The following NDUFAF7 variants were observed in gnomAD, a reference collection of about 807,000 sequenced individuals.
NDUFAF7 encodes the protein protein arginine methyltransferase NDUFAF7, mitochondrial.
A neutral mutation model predicts 47.2 loss-of-function variants in NDUFAF7; 48 were observed. The ratio of observed to expected loss-of-function variants is 1.02; its 90% CI spans 0.81 to 1.29. NDUFAF7 has a LOEUF of 1.29. Among genes scored for constraint, NDUFAF7 ranks in the 50% most tolerant of loss-of-function variants. The probability of loss-of-function intolerance (pLI) is 0.00; values close to 1 mark genes in which losing one functional copy is unlikely to be tolerated. For missense variants in NDUFAF7, 635 were observed against 537.6 expected (o/e 1.18, Z -1.79); for synonymous variants, 217 against 190.0 (o/e 1.14, Z -1.17).
chr2:37,236,907 A>C (rs942431352), intron 3 of NDUFAF7, among the ~76,000 whole-genome samples: 1 of 152,062 alleles, frequency 6.6e-6, no homozygotes, highest in African/African-American at 2.4e-5. Context: ...GAATTAGTGG[A>C]ATTAAGAGAA....
downstream of NDUFAF7, among the ~76,000 whole-genome samples, chr2:37,255,312 AAAC>A (rs142205797): frequency 0.58 from 87,221 of 151,586 alleles, 25,410 homozygotes; most frequent in African/African-American, 0.66. Context: ...ACTTTTGGAA[AAAC>A]AAAAAAGATC....
chr2:37,261,782 A>AAAACAAAACAAAC, the NDUFAF7 span, among the ~76,000 whole-genome samples: 13,052 of 152,222 alleles, frequency 0.086, 613 homozygotes, highest in African/African-American at 0.11. Flanking sequence ...CTCTATCTCA[A>AAAACAAAACAAAC]AAACAAAAAA....
intron 2 of NDUFAF7, among the ~76,000 whole-genome samples, chr2:37,232,840 T>C (rs1445624890): frequency 6.6e-6 from 1 of 152,240 alleles, no homozygotes; most frequent in East Asian, 1.9e-4. Flanking sequence ...CCACGTTTCC[T>C]TGTCTGTTCT....
At chr2:37,256,275 A>G (rs1258188193), downstream of NDUFAF7, among the ~76,000 whole-genome samples, 1 of 152,194 alleles carries the variant, frequency 6.6e-6, no homozygotes, top group African/African-American at 2.4e-5. Context: ...ACAGATAACT[A>G]TGCCTGTAAG....
At chr2:37,267,020 G>A in the NDUFAF7 span, among the ~76,000 whole-genome samples, 1 of 151,986 alleles carries the variant, frequency 6.6e-6, no homozygotes, top group African/African-American at 2.4e-5. Context: ...CGCCCCAATC[G>A]ACTAAGCCAT....
At position 37,248,772 on chromosome 2, in the gene NDUFAF7, G is replaced by T. The variant is rs1161762653; in HGVS notation, c.*422G>T. The T allele has an allele frequency of 4.1e-6, 1 of 245,280 alleles. No homozygotes were observed. The highest frequency in any genetic ancestry group is 5.0e-5 in the Admixed American group (1 of 19,870). The allele number at this position is 245,280 out of a possible 1,614,324, so 15.2% of individuals were successfully genotyped here. On this transcript the variant is annotated 3_prime_UTR_variant, in exon 10 of 10. Transcript: ENST00000002125. ...TCTACTAAAAATACAAAACTAGCCG[G>T]GTATGGTGGTACATGCCTGTAATCC... is the stretch of plus-strand genomic sequence containing the variant.
chr2:37,250,427 G>T (rs139444359), downstream of NDUFAF7: 11 of 152,218 alleles, frequency 7.2e-5, 1 homozygote, highest in African/African-American at 1.9e-4. Context: ...TAGTATAACA[G>T]TTGGATAATT....
At chr2:37,233,867 C>T (rs558178605) in intron 2 of NDUFAF7, among the ~76,000 whole-genome samples, 5 of 152,158 alleles carry the variant, frequency 3.3e-5, no homozygotes, top group African/African-American at 1.2e-4. Flanking sequence ...AAATATTATA[C>T]CTTTATTTTC....
At chr2:37,254,308 C>T (rs766444009), downstream of NDUFAF7, 1 of 1,597,028 alleles carries the variant, frequency 6.3e-7, no homozygotes, top group South Asian at 1.1e-5. Flanking sequence ...AAAGACAAAA[C>T]AAGATACATG....
chr2:37,259,662 T>C, the NDUFAF7 span: 5 of 1,612,052 alleles, frequency 3.1e-6, no homozygotes, highest in African/African-American at 1.3e-5. Flanking sequence ...AAAATGCAGA[T>C]TCCTCAAAGC....
the NDUFAF7 span, among the ~76,000 whole-genome samples, chr2:37,259,011 T>C: frequency 3.3e-5 from 5 of 151,200 alleles, no homozygotes; most frequent in African/African-American, 7.3e-5. Flanking sequence ...ATCCATTTCA[T>C]AGGTCATGCA....
chr2:37,251,944 T>C (rs1667537432), downstream of NDUFAF7: 1 of 152,188 alleles, frequency 6.6e-6, no homozygotes, highest in Non-Finnish European at 1.5e-5. Context: ...TTCTTACAAG[T>C]AGATGGTCCC....
intron 4 of NDUFAF7, among the ~76,000 whole-genome samples, chr2:37,240,270 C>G (rs1666220227): frequency 1.3e-5 from 2 of 151,744 alleles, no homozygotes; most frequent in Non-Finnish European, 1.5e-5. Flanking sequence ...CAAAAATTAC[C>G]CAGTCGTGGT....
chr2:37,250,290 G>A (rs1000027274), downstream of NDUFAF7, among the ~76,000 whole-genome samples: 16 of 152,090 alleles, frequency 1.1e-4, no homozygotes, highest in Admixed American at 5.9e-4. Flanking sequence ...TGAGTTAAAC[G>A]TCCATAGTTG....
chr2:37,247,523 T>C lies in NDUFAF7; in HGVS notation c.1004T>C (p.Val335Ala), dbSNP rs771758948. 3 of 1,613,994 alleles carry C rather than the reference T, an allele frequency of 1.9e-6. No individual in the cohort carries two copies. Among genetic ancestry groups the C allele is most frequent in the African/African-American group, 1.3e-5 (1 of 74,930 alleles). Residue 335 changes from valine to alanine, a missense_variant, in exon 9 of 10, where the codon GTG becomes GCG. Transcript: ENST00000002125. ...GGAACAGCAGATCTAACAGCTGATG[T>C]GGACTTCAGTTATTTGCGAAGAATG... ...APGTADLTADVDFSYLRRMAQ... is the reference protein window; with the variant it reads ...APGTADLTADADFSYLRRMAQ...
At chr2:37,264,141 C>T in the NDUFAF7 span, among the ~76,000 whole-genome samples, 3 of 152,220 alleles carry the variant, frequency 2.0e-5, no homozygotes, top group African/African-American at 7.2e-5. Context: ...CAACATCCTC[C>T]CTAGATGTGG....
downstream of NDUFAF7, among the ~76,000 whole-genome samples, chr2:37,257,527 G>A (rs1668054527): frequency 6.6e-6 from 1 of 151,944 alleles, no homozygotes; most frequent in Admixed American, 6.6e-5. Flanking sequence ...TTAGCCTGGC[G>A]TGGTGGCGGG....
chr2:37,262,399 ATAG>A, the NDUFAF7 span, among the ~76,000 whole-genome samples: 3 of 152,216 alleles, frequency 2.0e-5, no homozygotes, highest in Non-Finnish European at 4.4e-5. Flanking sequence ...TATCTGCATC[ATAG>A]TAGGTGTTTT....
the NDUFAF7 span, among the ~76,000 whole-genome samples, chr2:37,270,435 GAA>G: frequency 6.7e-6 from 1 of 149,866 alleles, no homozygotes; most frequent in Non-Finnish European, 1.5e-5. Context: ...ATGTATGAGA[GAA>G]AGTCTGTAAC....
Sources: gnomAD v4.1 joint callset for allele counts (sites outside exome capture counted in the v4.1 genomes callset) on GRCh38, gnomAD v4.1.1 for gene constraint, MANE v1.5 for transcripts, NCBI Gene and HGNC (gene_info 2026-07-23, HGNC 2026-07-21) for gene names.